Variants in RGMA observed in about 807,000 individuals in gnomAD.
RGMA encodes repulsive guidance molecule A.
In RGMA, 10 loss-of-function variants were observed where a neutral mutation model predicts 23.2. The observed-to-expected ratio is 0.43, with a 90% CI of 0.27 to 0.73. The LOEUF (loss-of-function observed/expected upper bound fraction) is 0.73, where lower values mean the gene tolerates loss of function less well. RGMA is among the 30% of genes least tolerant of loss of function. RGMA has a pLI of 0.20. For synonymous variants in RGMA, 308 were observed against 279.3 expected, an observed-to-expected ratio of 1.10 and a Z score of -1.03; for missense variants, 547 against 630.5, an observed-to-expected ratio of 0.87 and a Z score of 1.42.
At chr15:93,069,940 T>A (rs754713649) in intron 2 of RGMA, among the ~76,000 whole-genome samples, 1 of 152,252 alleles carries the variant, frequency 6.6e-6, no homozygotes, top group Non-Finnish European at 1.5e-5. Flanking sequence ...CTATTAGCTG[T>A]GATTTGAGTA....
Position 93,073,793 on chromosome 15 carries a change from A to G in RGMA, c.15-762T>C, listed in dbSNP as rs4598861. 2.3e-3 allele frequency: 3,552 copies of G among 1,534,828 alleles called. 89 individuals are homozygous for G. The African/African-American group carries it at 0.044, about 19-fold the overall frequency. On this transcript the variant is annotated intron_variant, in intron 1 of 3. Coordinates refer to ENST00000329082, the MANE Select transcript of RGMA (RefSeq NM_020211.3). Reference sequence around the variant, plus strand: ...TTGGCCTGCCTCCAGCACCCCCTTCAAGCACCTCGCTGCTTCCTGAAGACT... The same window carrying G: ...TTGGCCTGCCTCCAGCACCCCCTTCGAGCACCTCGCTGCTTCCTGAAGACT...
At chr15:93,055,727 C>A (rs2055003122) in intron 2 of RGMA, among the ~76,000 whole-genome samples, 1 of 152,242 alleles carries the variant, frequency 6.6e-6, no homozygotes, top group African/African-American at 2.4e-5. Context: ...TGCCTTGCCT[C>A]CAGCAGACAA....
intron 3 of RGMA, among the ~76,000 whole-genome samples, chr15:93,046,290 C>T (rs1205927474): frequency 2.6e-5 from 4 of 152,242 alleles, no homozygotes; most frequent in South Asian, 2.1e-4. Flanking sequence ...GGCAGAGATT[C>T]GAATGATGTG....
At chr15:93,054,957 G>A (rs1005354964) in intron 2 of RGMA, among the ~76,000 whole-genome samples, 1 of 152,218 alleles carries the variant, frequency 6.6e-6, no homozygotes, top group Non-Finnish European at 1.5e-5. Flanking sequence ...CGGTACAGGA[G>A]GTGAGTGTGG....
chr15:93,060,263 A>G (rs925735052), intron 2 of RGMA, among the ~76,000 whole-genome samples: 7 of 152,356 alleles, frequency 4.6e-5, no homozygotes, highest in African/African-American at 1.7e-4. Flanking sequence ...AGACACAGAC[A>G]CAGAGCTTTA....
chr15:93,088,804 G>A, intron 1 of RGMA, 115 bp downstream of exon 1: 1 of 1,012,700 alleles, frequency 9.9e-7, no homozygotes, highest in Admixed American at 2.5e-5. Flanking sequence ...CAAGATGGGA[G>A]CAAGATGAGA....
rs1391604990 is a variant in RGMA at position 93,043,355 on chromosome 15, A to G, written c.*1643T>C. Reference sequence around the variant, plus strand: ...ATCCCACCACCAAAGTCCATCCTCCACCCGCCTCAAGGGAGCCAAAGTCTG... The same window carrying G: ...ATCCCACCACCAAAGTCCATCCTCCGCCCGCCTCAAGGGAGCCAAAGTCTG... On this transcript the variant is annotated 3_prime_UTR_variant, in exon 4 of 4. Coordinates refer to ENST00000329082, the MANE Select transcript of RGMA (RefSeq NM_020211.3). The G allele has an allele frequency of 6.6e-6, 1 of 152,132 alleles. No homozygotes were observed. Among genetic ancestry groups the G allele is most frequent in the Non-Finnish European group, 1.5e-5 (1 of 67,922 alleles). 9.4% of individuals were successfully genotyped at this position (152,132 alleles called of 1,614,324 possible).
chr15:93,072,162 G>A (rs570710762), intron 2 of RGMA, among the ~76,000 whole-genome samples: 1 of 152,116 alleles, frequency 6.6e-6, no homozygotes, highest in Admixed American at 6.5e-5. Flanking sequence ...AGGAACAAAT[G>A]CTTCTCTGTG....
chr15:93,062,492 A>G (rs1894998641), intron 2 of RGMA, among the ~76,000 whole-genome samples: 1 of 152,228 alleles, frequency 6.6e-6, no homozygotes, highest in Admixed American at 6.5e-5. Context: ...AGGAGGCGAC[A>G]TGCTGGCTGG....
chr15:93,061,731 C>G (rs1265272000), intron 2 of RGMA, among the ~76,000 whole-genome samples: 23 of 152,216 alleles, frequency 1.5e-4, no homozygotes, highest in Admixed American at 1.5e-3. Context: ...GCTGCACCAA[C>G]GCTGGCAGGA....
intron 1 of RGMA, among the ~76,000 whole-genome samples, chr15:93,081,756 G>C (rs1895562413): frequency 6.6e-6 from 1 of 152,364 alleles, no homozygotes; most frequent in Non-Finnish European, 1.5e-5. Context: ...AGATAACCAA[G>C]TTGTTCATCA....
chr15:93,084,596 C>A (rs371176425), intron 1 of RGMA, among the ~76,000 whole-genome samples: 5 of 152,066 alleles, frequency 3.3e-5, no homozygotes, highest in Admixed American at 3.3e-4. Context: ...TCTCAGCCAC[C>A]GGAGTAGCTG....
intron 1 of RGMA, chr15:93,088,633 C>G: frequency 9.9e-7 from 1 of 1,007,458 alleles, no homozygotes; most frequent in South Asian, 3.3e-5. Context: ...TCCCAGCCCG[C>G]ACACGGTGTA....
At chr15:93,066,647 G>C in intron 2 of RGMA, 1 of 441,162 alleles carries the variant, frequency 2.3e-6, no homozygotes, top group South Asian at 1.6e-5. Flanking sequence ...CCTCCACCTC[G>C]CTCATCCTGC....
rs371251207 is a variant in RGMA at position 93,052,035 on chromosome 15, G to A, written c.603C>T (p.Asn201=). 1.9e-5 allele frequency: 30 copies of A among 1,611,032 alleles called. No homozygotes were observed. Among genetic ancestry groups the A allele is most frequent in the Non-Finnish European group, 2.4e-5 (28 of 1,179,018 alleles). The change falls in exon 3 of 4, where the codon AAC becomes AAT. Residue 201 remains asparagine (N), a synonymous_variant. Coordinates refer to ENST00000329082, the MANE Select transcript of RGMA (RefSeq NM_020211.3). ...CCGCTGAGCCGGGCAGCACAGGCGTGTTGGTGACCTGCACGTTCAGGTAAT... is the reference window on the plus strand; with the variant it reads ...CCGCTGAGCCGGGCAGCACAGGCGTATTGGTGACCTGCACGTTCAGGTAAT... ...DNNYLNVQVT[N]TPVLPGSAAT... is the part of the protein sequence containing the mutation.
At chr15:93,073,273 C>G in intron 1 of RGMA, 1 of 900,984 alleles carries the variant, frequency 1.1e-6, no homozygotes, top group Non-Finnish European at 1.4e-6. Context: ...CCCTCGCGCT[C>G]GGGTTTCAGC....
intron 2 of RGMA, among the ~76,000 whole-genome samples, chr15:93,064,855 G>T (rs2141830025): frequency 6.6e-6 from 1 of 152,294 alleles, no homozygotes; most frequent in South Asian, 2.1e-4. Flanking sequence ...GGGCCTTTGG[G>T]AGGAGGCAAA....
intron 2 of RGMA, chr15:93,066,334 T>C (rs1895149220): frequency 1.3e-6 from 1 of 793,092 alleles, no homozygotes; most frequent in South Asian, 1.3e-5. Context: ...TTGAACCATT[T>C]GACAGTGCCC....
chr15:93,045,816 G>C lies in RGMA; in HGVS notation c.646-111C>G. ...GAGGGCAGGAAGGATCCCCAGGGAT[G>C]CCCCAGACACTCCCTTCTCCAGGTT... On this transcript the variant is annotated intron_variant, in intron 3 of 3. Coordinates refer to ENST00000329082, the MANE Select transcript of RGMA (RefSeq NM_020211.3). The surrounding 1 kb of genome is among the most constrained non-coding windows in gnomAD (Gnocchi z 6.9). 1.3e-6 allele frequency: 1 copy of C among 754,484 alleles called. No individual in the cohort carries two copies. The highest frequency in any genetic ancestry group is 2.2e-6 in the Non-Finnish European group (1 of 454,176). 46.7% of individuals were successfully genotyped at this position (754,484 alleles called of 1,614,324 possible).
Sources: gnomAD v4.1 joint callset for allele counts (sites outside exome capture counted in the v4.1 genomes callset) on GRCh38, gnomAD v4.1.1 for gene constraint, Gnocchi (gnomAD v3.1) non-coding constraint, MANE v1.5 for transcripts, NCBI Gene and HGNC (gene_info 2026-07-23, HGNC 2026-07-21) for gene names.